The following THRB variants were observed in gnomAD, a reference collection of about 807,000 sequenced individuals.
THRB encodes the protein thyroid hormone receptor beta.
In THRB, 12 loss-of-function variants were observed where a neutral mutation model predicts 47.8. The observed-to-expected ratio is 0.25, with a 90% confidence interval of 0.16 to 0.41. THRB has a LOEUF of 0.41. Among genes scored for constraint, THRB ranks in the 10% least tolerant of loss-of-function variants. THRB has a pLI of 1.00. For synonymous variants in THRB, 218 were observed against 212.2 expected (o/e 1.03, Z -0.24); for missense variants, 348 against 589.2 (o/e 0.59, Z 4.24).
intron 1 of THRB, among the ~76,000 whole-genome samples, chr3:24,360,240 T>C (rs1321403549): frequency 6.6e-6 from 1 of 152,134 alleles, no homozygotes; most frequent in Non-Finnish European, 1.5e-5. Context: ...GTTATGCTGA[T>C]TTTTAAGCCA....
At chr3:24,302,390 C>A (rs1398556662) in intron 2 of THRB, among the ~76,000 whole-genome samples, 1 of 152,156 alleles carries the variant, frequency 6.6e-6, no homozygotes, top group Non-Finnish European at 1.5e-5. Context: ...TCTAAATAAT[C>A]ATTTCTTGTT....
At chr3:24,445,357 A>G (rs927171839) in intron 1 of THRB, among the ~76,000 whole-genome samples, 25 of 152,154 alleles carry the variant, frequency 1.6e-4, no homozygotes, top group Admixed American at 1.5e-3. Flanking sequence ...ACATAAAGGT[A>G]GTGAAATGTG....
intron 3 of THRB, among the ~76,000 whole-genome samples, chr3:24,231,224 T>C (rs1217310879): frequency 6.6e-6 from 1 of 152,232 alleles, no homozygotes; most frequent in African/African-American, 2.4e-5. Flanking sequence ...TGTGTCAGCA[T>C]AGTTTTGTAT....
At chr3:24,232,085 G>A (rs535305346) in intron 3 of THRB, among the ~76,000 whole-genome samples, 13 of 152,182 alleles carry the variant, frequency 8.5e-5, no homozygotes, top group African/African-American at 3.1e-4. Flanking sequence ...TAGATCCAGT[G>A]AGGGTCTGTG....
intron 1 of THRB, among the ~76,000 whole-genome samples, chr3:24,344,852 A>G (rs1433677560): frequency 6.6e-6 from 1 of 152,026 alleles, no homozygotes; most frequent in Non-Finnish European, 1.5e-5. Context: ...AATTGATTTC[A>G]TTACCCACTA....
intron 9 of THRB, among the ~76,000 whole-genome samples, chr3:24,129,674 G>A (rs1407285971): frequency 3.3e-5 from 5 of 152,224 alleles, no homozygotes. Flanking sequence ...TTAGACACCT[G>A]CCAAAATGCT....
chr3:24,425,944 C>G (rs1238875592), intron 1 of THRB, among the ~76,000 whole-genome samples: 86 of 152,078 alleles, frequency 5.7e-4, no homozygotes, highest in Non-Finnish European at 4.4e-5. Context: ...CAGAGCCTTT[C>G]TGGATTTGAA....
chr3:24,193,753 A>T (rs1308083897), intron 4 of THRB, among the ~76,000 whole-genome samples: 1 of 152,206 alleles, frequency 6.6e-6, no homozygotes, highest in East Asian at 1.9e-4. Context: ...CGTTTGATCC[A>T]CCAATCCTAC....
chr3:24,318,399 C>T (rs1188911885), intron 2 of THRB: 1 of 152,268 alleles, frequency 6.6e-6, no homozygotes, highest in African/African-American at 2.4e-5. Context: ...TGGGATGCCC[C>T]CCTTCTCGTT....
chr3:24,467,374 C>G (rs529549325), intron 1 of THRB, among the ~76,000 whole-genome samples: 117 of 152,290 alleles, frequency 7.7e-4, no homozygotes, highest in African/African-American at 2.7e-3. Context: ...TTGACCTCCT[C>G]CCAGGAATCA....
At chr3:24,270,767 T>C (rs999737405) in intron 3 of THRB, among the ~76,000 whole-genome samples, 1 of 152,222 alleles carries the variant, frequency 6.6e-6, no homozygotes, top group Non-Finnish European at 1.5e-5. Flanking sequence ...AAAATCCTTT[T>C]GCCCTCTGGA....
In THRB at chr3:24,185,374, A is replaced by C. The variant is rs200680565; in HGVS notation, c.283+4700T>G. On this transcript the variant is annotated intron_variant, in intron 5 of 10. Coordinates refer to ENST00000646209, the MANE Select transcript of THRB (RefSeq NM_001354712.2). ...AGACTGAAATGTAATAAGAATGTGC[A>C]GTGCTTACCCTTGGGGAATAGAACT... is the stretch of plus-strand genomic sequence containing the variant. Among the ~76,000 whole-genome samples the C allele has an allele frequency of 2.6e-5, 4 of 152,246 alleles. No individual in the cohort carries two copies. In the East Asian group the frequency reaches 7.7e-4, roughly 29 times the overall value.
intron 2 of THRB, among the ~76,000 whole-genome samples, chr3:24,298,677 A>T (rs1251906601): frequency 6.6e-6 from 1 of 152,220 alleles, no homozygotes; most frequent in Non-Finnish European, 1.5e-5. Flanking sequence ...TACTTAACAG[A>T]TGGAAAAATA....
At chr3:24,224,366 G>A (rs192744258) in intron 4 of THRB, among the ~76,000 whole-genome samples, 1 of 152,118 alleles carries the variant, frequency 6.6e-6, no homozygotes, top group Non-Finnish European at 1.5e-5. Context: ...TCCCTTTGAG[G>A]AAGCGTGTTT....
intron 3 of THRB, among the ~76,000 whole-genome samples, chr3:24,285,737 C>T (rs1185794013): frequency 6.6e-6 from 1 of 152,130 alleles, no homozygotes; most frequent in Non-Finnish European, 1.5e-5. Context: ...ATCATATAAA[C>T]AATTGCTAAA....
intron 9 of THRB, among the ~76,000 whole-genome samples, chr3:24,129,628 G>A (rs892507118): frequency 1.3e-5 from 2 of 152,330 alleles, no homozygotes; most frequent in South Asian, 4.1e-4. Context: ...GTAGGATCCT[G>A]GTGAGATTTG....
chr3:24,330,454 T>G (rs1352409195), intron 2 of THRB, among the ~76,000 whole-genome samples: 1 of 152,236 alleles, frequency 6.6e-6, no homozygotes, highest in East Asian at 1.9e-4. Flanking sequence ...CAGACACCCA[T>G]GTACCCACCA....
At chr3:24,419,423 GAA>G (rs2069041258) in intron 1 of THRB, among the ~76,000 whole-genome samples, 1 of 151,756 alleles carries the variant, frequency 6.6e-6, no homozygotes, top group Non-Finnish European at 1.5e-5. Flanking sequence ...TCTCCAGATG[GAA>G]AGCCAATCTA....
intron 3 of THRB, among the ~76,000 whole-genome samples, chr3:24,250,179 A>G (rs1436198181): frequency 2.0e-5 from 3 of 152,208 alleles, no homozygotes; most frequent in Non-Finnish European, 4.4e-5. Flanking sequence ...AACTAATAAA[A>G]CATCTTAGTA....
Sources: allele counts gnomAD v4.1 joint callset (sites outside exome capture counted in the v4.1 genomes callset), GRCh38; gene constraint gnomAD v4.1.1; transcripts MANE v1.5; gene names NCBI Gene and HGNC (gene_info 2026-07-23, HGNC 2026-07-21).